C2CD5: variants seen among roughly 807,000 people sequenced by gnomAD.
The protein encoded by C2CD5 is C2 calcium dependent domain containing 5.
A neutral mutation model predicts 130.3 loss-of-function variants in C2CD5; 109 were observed. The ratio of observed to expected loss-of-function variants is 0.84; its 90% CI spans 0.72 to 0.98. The LOEUF (loss-of-function observed/expected upper bound fraction) is 0.98. Ranked by LOEUF, C2CD5 falls within the 50% of genes least tolerant of loss-of-function variation. C2CD5 has a pLI of 0.00. For missense variants in C2CD5, 996 were observed against 1,261.8 expected (o/e 0.79, Z 3.19); for synonymous variants, 454 against 429.2 (o/e 1.06, Z -0.71).
intron 26 of C2CD5, 67 bp from the exon 27 acceptor site, chr12:22,449,958 G>C (rs887990960): frequency 6.5e-5 from 89 of 1,376,952 alleles, no homozygotes; most frequent in Non-Finnish European, 8.7e-5. Context: ...TGTTACATAA[G>C]GGGCAGTGCT....
chr12:22,469,491 A>G (rs1942666178), intron 22 of C2CD5, among the ~76,000 whole-genome samples: 1 of 152,194 alleles, frequency 6.6e-6, no homozygotes, highest in Non-Finnish European at 1.5e-5. Context: ...ATAGAATATC[A>G]TAGGAAAAAT....
Position 22,516,550 on chromosome 12 carries a change from T to C in C2CD5, c.952+1436A>G, listed in dbSNP as rs1268560103. 1.7e-4 allele frequency among the ~76,000 whole-genome samples: 26 copies of C among 149,342 alleles called. No homozygotes were observed. In the East Asian group the frequency reaches 5.0e-3, roughly 29 times the overall value. Reference sequence around the variant, plus strand: ...GACAATCTTCTTTAGGCTTGGCCTTTTTGGTAAATTAAAAAAAAAAGAAAC... The same window carrying C: ...GACAATCTTCTTTAGGCTTGGCCTTCTTGGTAAATTAAAAAAAAAAGAAAC... On this transcript the variant is annotated intron_variant, in intron 8 of 26. Transcript: ENST00000446597.
chr12:22,472,278 A>C lies in C2CD5; in HGVS notation c.2169+8T>G. 6.9e-7 allele frequency: 1 copy of C among 1,453,472 alleles called. No individual in the cohort carries two copies. Among genetic ancestry groups the C allele is most frequent in the South Asian group, 1.2e-5 (1 of 80,406 alleles). The allele number at this position is 1,453,472 out of a possible 1,614,324, so 90.0% of individuals were successfully genotyped here. A position where few individuals can be genotyped will look rare whatever the true frequency, so the allele number is the denominator to read the frequency against. Reference sequence around the variant, plus strand: ...TTATGTGCTTAAAATTAAGAAAAAAAGGTTTACCTGTATTTCAGAGGTCCA... The same window carrying C: ...TTATGTGCTTAAAATTAAGAAAAAACGGTTTACCTGTATTTCAGAGGTCCA... On this transcript the variant is annotated splice_region_variant and intron_variant, in intron 18 of 26. Transcript: ENST00000446597.
At chr12:22,461,632 G>A (rs1423146564) in intron 22 of C2CD5, among the ~76,000 whole-genome samples, 11 of 152,158 alleles carry the variant, frequency 7.2e-5, no homozygotes, top group Non-Finnish European at 1.5e-5. Context: ...GCCTCTTGGG[G>A]AAGGAAATGG....
intron 4 of C2CD5, among the ~76,000 whole-genome samples, chr12:22,527,195 A>C (rs1295239781): frequency 6.6e-6 from 1 of 152,062 alleles, no homozygotes; most frequent in Admixed American, 6.6e-5. Flanking sequence ...GCATTTACTT[A>C]CTATACTATA....
At chr12:22,537,072 G>A (rs1677381036) in intron 2 of C2CD5, among the ~76,000 whole-genome samples, 1 of 152,078 alleles carries the variant, frequency 6.6e-6, no homozygotes, top group Non-Finnish European at 1.5e-5. Flanking sequence ...TAAGGGTTTT[G>A]GCTCAACTGC....
At chr12:22,454,582 T>TTTC (rs1177193722) in intron 25 of C2CD5, among the ~76,000 whole-genome samples, 1 of 151,922 alleles carries the variant, frequency 6.6e-6, no homozygotes, top group African/African-American at 2.4e-5. Flanking sequence ...TTTTTTTTTT[T>TTTC]TTTCAGAGAA....
chr12:22,470,871 T>G lies in C2CD5; in HGVS notation c.2399A>C (p.Gln800Pro). ...TAVAITFDKN[Q>P]ALQTTKTPVE... ...AGGGGTTTTTGTGGTTTGTAAAGCC[T>G]GATTTTTGTCAAAAGTGATTGCGAC... is the stretch of plus-strand genomic sequence containing the variant. Residue 800 changes from glutamine (Q) to proline (P), a missense_variant, in exon 21 of 27, where the codon CAG becomes CCG. Around this residue, in one of 9 missense-constraint regions of C2CD5, gnomAD observed 590 missense variants for 631.4 expected, o/e 0.93. Transcript: ENST00000446597. 1 of 1,612,724 alleles carries G rather than the reference T, an allele frequency of 6.2e-7. No individual in the cohort carries two copies. The highest frequency in any genetic ancestry group is 2.2e-5 in the East Asian group (1 of 44,836).
intron 10 of C2CD5, among the ~76,000 whole-genome samples, chr12:22,503,673 G>A (rs571386832): frequency 7.9e-5 from 12 of 152,078 alleles, no homozygotes; most frequent in African/African-American, 2.4e-4. Flanking sequence ...CACCAGGCCC[G>A]GATAGTTTTT....
At chr12:22,535,071 T>C in intron 3 of C2CD5, 187 bp downstream of exon 3, 1 of 548,432 alleles carries the variant, frequency 1.8e-6, no homozygotes, top group Non-Finnish European at 3.2e-6. Context: ...TGTGTTATCA[T>C]ATACTGTATT....
At chr12:22,484,597 A>G in intron 13 of C2CD5, 100 bp downstream of exon 13, 1 of 551,128 alleles carries the variant, frequency 1.8e-6, no homozygotes, top group Non-Finnish European at 3.1e-6. Context: ...GTGCAGGATC[A>G]AACAGGTAGG....
chr12:22,509,450 G>A (rs982201669), intron 9 of C2CD5, among the ~76,000 whole-genome samples: 3 of 152,094 alleles, frequency 2.0e-5, no homozygotes, highest in South Asian at 2.1e-4. Context: ...CACACAGGGC[G>A]ATGGCTGCCC....
intron 11 of C2CD5, among the ~76,000 whole-genome samples, chr12:22,490,758 C>T (rs953191968): frequency 2.6e-5 from 4 of 151,840 alleles, no homozygotes; most frequent in African/African-American, 9.7e-5. Context: ...TAACAGAAAA[C>T]TGATATTCAA....
chr12:22,452,156 T>C (rs1327714847), intron 26 of C2CD5, among the ~76,000 whole-genome samples: 1 of 152,118 alleles, frequency 6.6e-6, no homozygotes, highest in Middle Eastern at 3.2e-3. Context: ...CAAAAAAGGA[T>C]TCTTAAAGTA....
rs1950671559 is a variant in C2CD5 at position 22,525,866 on chromosome 12, C to G, written c.350-161G>C. 2.6e-5 allele frequency among the ~76,000 whole-genome samples: 4 copies of G among 152,260 alleles called. No homozygotes were observed. In the South Asian group the frequency reaches 8.3e-4, roughly 32 times the overall value. On this transcript the variant is annotated intron_variant, in intron 4 of 26. Coordinates refer to ENST00000446597, the MANE Select transcript of C2CD5 (RefSeq NM_001286176.2). The stretch of plus-strand genomic sequence containing the variant: ...GCAAAACCATTCTGATTTTCACTTT[C>G]AGTCCAGAATTCAATGAATTACATG...
chr12:22,535,987 G>A (rs528223957), intron 2 of C2CD5, among the ~76,000 whole-genome samples: 1 of 152,238 alleles, frequency 6.6e-6, no homozygotes, highest in East Asian at 1.9e-4. Context: ...CAAAAGCTTG[G>A]AAACAAGTTA....
chr12:22,451,298 A>G (rs183328966), intron 26 of C2CD5, among the ~76,000 whole-genome samples: 48 of 152,272 alleles, frequency 3.2e-4, no homozygotes, highest in Admixed American at 5.2e-4. Flanking sequence ...ATGACAACAA[A>G]ATTAAGATGG....
In C2CD5 at chr12:22,490,239, A is replaced by G. The variant is rs1178904279; in HGVS notation, c.1263-21T>C. On this transcript the variant is annotated intron_variant, in intron 11 of 26. Transcript: ENST00000446597. The stretch of plus-strand genomic sequence containing the variant: ...CTTCACTATAAAGGAAAAAACACAA[A>G]CAAGTTAACATTTTTCAGACCGTAT... 3.9e-6 allele frequency: 6 copies of G among 1,525,628 alleles called. No homozygotes were observed. The Admixed American group carries it at 1.0e-4, about 26-fold the overall frequency. The allele number at this position is 1,525,628 out of a possible 1,614,324, so 94.5% of individuals were successfully genotyped here.
rs149493773 is a variant in C2CD5, at chr12:22,520,686, A to C, written c.801-2549T>G. ...AAATAAACAATGCTATATTTATTAT[A>C]ATCAGTAGTATACACAGGAGAATTT... On this transcript the variant is annotated intron_variant, in intron 7 of 26. Transcript: ENST00000446597. Among the ~76,000 whole-genome samples the C allele has an allele frequency of 4.0e-3, 609 of 152,252 alleles. 4 individuals are homozygous for C. The highest frequency in any genetic ancestry group is 0.014 in the African/African-American group (589 of 41,572).
Sources: gnomAD v4.1 joint callset for allele counts (sites outside exome capture counted in the v4.1 genomes callset) on GRCh38, gnomAD v4.1.1 for gene constraint, gnomAD v4.1.1 regional missense constraint, MANE v1.5 for transcripts, NCBI Gene and HGNC (gene_info 2026-07-23, HGNC 2026-07-21) for gene names.